Variants in GRXCR2 observed in about 807,000 individuals in gnomAD.
The protein encoded by GRXCR2 is glutaredoxin domain-containing cysteine-rich protein 2.
A neutral mutation model predicts 24.8 loss-of-function variants in GRXCR2; 23 were observed. The observed-to-expected ratio is 0.93, with a 90% CI of 0.67 to 1.32. The LOEUF (loss-of-function observed/expected upper bound fraction) is 1.32, where lower values mean the gene tolerates loss of function less well. Among genes scored for constraint, GRXCR2 ranks in the 40% most tolerant of loss-of-function variants. GRXCR2 has a pLI of 0.00. For synonymous variants in GRXCR2, 130 were observed against 116.1 expected (o/e 1.12, Z -0.77); for missense variants, 315 against 303.4 (o/e 1.04, Z -0.28).
rs59158357 is a variant in GRXCR2 at position 145,885,097 on chromosome 5, C to CTGTGTGTGTGTG, written c.-69-18381_-69-18370dup. Among the ~76,000 whole-genome samples the CTGTGTGTGTGTG allele has an allele frequency of 9.7e-3, 1,435 of 147,718 alleles. 27 individuals carry two copies. The highest frequency in any genetic ancestry group is 0.034 in the African/African-American group (1,366 of 39,980). Reference sequence around the variant, plus strand: ...ATTATCATGCAGCATGTGTGTGTGTCTGTGTGTGTGTGTGTGTGTGTGTGT... The same window carrying CTGTGTGTGTGTG: ...ATTATCATGCAGCATGTGTGTGTGTCTGTGTGTGTGTGTGTGTGTGTGTGTGTGTGTGTGTGT... On this transcript the variant is annotated intron_variant, in intron 2 of 3. Coordinates refer to the GRXCR2 transcript ENST00000639411.
chr5:145,894,698 A>G (rs928086829), intron 2 of GRXCR2, among the ~76,000 whole-genome samples: 2 of 152,252 alleles, frequency 1.3e-5, no homozygotes, highest in Non-Finnish European at 2.9e-5. Context: ...GAATTCTACC[A>G]GAAATACAAG....
At chr5:145,894,160 C>A (rs564092095) in intron 2 of GRXCR2, among the ~76,000 whole-genome samples, 4 of 152,104 alleles carry the variant, frequency 2.6e-5, no homozygotes, top group South Asian at 4.2e-4. Context: ...TTATAGCACT[C>A]AATGCCCACA....
chr5:145,889,172 A>AAAAAGAAAG (rs757883920), intron 2 of GRXCR2, among the ~76,000 whole-genome samples: 25 of 84,048 alleles, frequency 3.0e-4, no homozygotes, highest in African/African-American at 1.1e-3. Flanking sequence ...CTGTCTCAAA[A>AAAAAGAAAG]AAAGAAAGAA....
chr5:145,874,204 A>AT (rs112500420), upstream of GRXCR2, among the ~76,000 whole-genome samples: 8,438 of 139,176 alleles, frequency 0.061, 758 homozygotes, highest in African/African-American at 0.22. Flanking sequence ...TTATTATTTT[A>AT]TTTTATTTTT....
At chr5:145,905,458 A>G (rs1404175784) in intron 2 of GRXCR2, among the ~76,000 whole-genome samples, 1 of 152,238 alleles carries the variant, frequency 6.6e-6, no homozygotes, top group African/African-American at 2.4e-5. Context: ...TTTTTATTAG[A>G]GATGTACTAT....
rs183154552 is a variant in GRXCR2 at position 145,904,658 on chromosome 5, G to A, written c.-70+31043C>T. On this transcript the variant is annotated intron_variant, in intron 2 of 3. Transcript: ENST00000639411. ...CAGCCACAGTGATTGGTTCGGGGTT[G>A]GACAGAGTAAGTCAGATGCTGGCCT... Among the ~76,000 whole-genome samples the A allele has an allele frequency of 4.2e-3, 644 of 152,310 alleles. 2 individuals are homozygous for A. The highest frequency in any genetic ancestry group is 4.8e-3 in the Non-Finnish European group (326 of 68,032).
chr5:145,857,802 C>T (rs909112518), downstream of GRXCR2, among the ~76,000 whole-genome samples: 1 of 152,202 alleles, frequency 6.6e-6, no homozygotes. Flanking sequence ...GCCCCTTCTG[C>T]ATGCTCCAAA....
At chr5:145,891,595 C>A (rs1317941975) in intron 2 of GRXCR2, among the ~76,000 whole-genome samples, 1 of 152,122 alleles carries the variant, frequency 6.6e-6, no homozygotes, top group Non-Finnish European at 1.5e-5. Context: ...GAGGGGCGCC[C>A]GCCATTGCTG....
At chr5:145,920,223 C>T (rs148244633) in intron 2 of GRXCR2, among the ~76,000 whole-genome samples, 10 of 152,280 alleles carry the variant, frequency 6.6e-5, no homozygotes, top group Non-Finnish European at 1.3e-4. Context: ...TCACATCTGC[C>T]TGGTGTTTAC....
At chr5:145,875,884 C>A (rs1457030344), upstream of GRXCR2, among the ~76,000 whole-genome samples, 1 of 152,070 alleles carries the variant, frequency 6.6e-6, no homozygotes, top group Non-Finnish European at 1.5e-5. Context: ...CAATATCAAG[C>A]TGGGCATGGT....
At chr5:145,877,535 C>T (rs1286845110), upstream of GRXCR2, among the ~76,000 whole-genome samples, 3 of 152,154 alleles carry the variant, frequency 2.0e-5, no homozygotes, top group East Asian at 3.8e-4. Context: ...AAAGATATAA[C>T]AGATTTTATG....
chr5:145,897,974 T>G (rs935891367), intron 2 of GRXCR2, among the ~76,000 whole-genome samples: 4 of 151,996 alleles, frequency 2.6e-5, no homozygotes, highest in African/African-American at 9.7e-5. Context: ...AGAGCAGAAC[T>G]GAATGAAATT....
chr5:145,930,566 T>C (rs2149931644), intron 2 of GRXCR2, among the ~76,000 whole-genome samples: 1 of 152,326 alleles, frequency 6.6e-6, no homozygotes, highest in South Asian at 2.1e-4. Context: ...AATAAATTAT[T>C]TCAATTAAAA....
intron 2 of GRXCR2, among the ~76,000 whole-genome samples, chr5:145,890,060 G>C (rs1311559748): frequency 6.6e-6 from 1 of 152,158 alleles, no homozygotes; most frequent in Admixed American, 6.5e-5. Flanking sequence ...AAACCAATCT[G>C]ACAAAAATAA....
rs984508916 is a variant in GRXCR2 at position 145,878,864 on chromosome 5, C to T, written c.-69-12136G>A. 8.5e-5 allele frequency among the ~76,000 whole-genome samples: 13 copies of T among 152,260 alleles called. No homozygotes were observed. The East Asian group carries it at 1.5e-3, about 18-fold the overall frequency. On this transcript the variant is annotated intron_variant, in intron 2 of 3. Coordinates refer to the GRXCR2 transcript ENST00000639411. ...AGTGGATCTCTTGGCAGAAACCCTA[C>T]AAGCCAGAAGAGAGTGGGGGCCAAT...
upstream of GRXCR2, among the ~76,000 whole-genome samples, chr5:145,877,092 C>G (rs1019863912): frequency 2.0e-5 from 3 of 151,662 alleles, no homozygotes; most frequent in Admixed American, 2.0e-4. Flanking sequence ...TGAAAAAAAT[C>G]CATTGCTTTC....
intron 2 of GRXCR2, among the ~76,000 whole-genome samples, chr5:145,925,643 C>T (rs1178218181): frequency 6.6e-6 from 1 of 152,134 alleles, no homozygotes; most frequent in Non-Finnish European, 1.5e-5. Flanking sequence ...ATGACACAGA[C>T]ATGGTTCCTG....
chr5:145,930,954 ATCTG>A (rs1561694919), intron 2 of GRXCR2, among the ~76,000 whole-genome samples: 1 of 151,996 alleles, frequency 6.6e-6, no homozygotes, highest in East Asian at 1.9e-4. Context: ...TAAGTGATCT[ATCTG>A]TCTATCTAGC....
At chr5:145,916,791 T>C (rs1374253489) in intron 2 of GRXCR2, among the ~76,000 whole-genome samples, 1 of 152,090 alleles carries the variant, frequency 6.6e-6, no homozygotes, top group Admixed American at 6.6e-5. Context: ...TAAAGTAAAA[T>C]TGAGATTATG....
Sources: gnomAD v4.1 joint callset for allele counts (sites outside exome capture counted in the v4.1 genomes callset) on GRCh38, gnomAD v4.1.1 for gene constraint, MANE v1.5 for transcripts, NCBI Gene and HGNC (gene_info 2026-07-23, HGNC 2026-07-21) for gene names.